Variants in VCP observed in about 807,000 individuals in gnomAD.
VCP encodes valosin containing protein, also known as transitional endoplasmic reticulum ATPase.
A neutral mutation model predicts 85.7 loss-of-function variants in VCP; 6 were observed. That is an observed-to-expected ratio of 0.07 (90% CI 0.04 to 0.14). The LOEUF (loss-of-function observed/expected upper bound fraction) is 0.14. VCP is among the 10% of genes least tolerant of loss of function. VCP has a pLI of 1.00. For synonymous variants in VCP, 384 were observed against 367.1 expected, an observed-to-expected ratio of 1.05 and a Z score of -0.53; for missense variants, 353 against 1,043.4, an observed-to-expected ratio of 0.34 and a Z score of 9.12.
chr9:35,061,324 G>A lies in VCP; in HGVS notation c.1195-145C>T, dbSNP rs113543353. The stretch of plus-strand genomic sequence containing the variant: ...ATACTATCAATACCTTTATGGGCTG[G>A]GTTTTAAGTACTTAATTCTGGACTT... On this transcript the variant is annotated intron_variant, in intron 10 of 16. Coordinates refer to ENST00000358901, the MANE Select transcript of VCP (RefSeq NM_007126.5). The A allele has an allele frequency of 4.2e-6, 5 of 1,190,430 alleles. No homozygotes were observed. The African/African-American group carries it at 7.6e-5, about 18-fold the overall frequency. The allele number at this position is 1,190,430 out of a possible 1,614,324, so 73.7% of individuals were successfully genotyped here. A position where few individuals can be genotyped will look rare whatever the true frequency, so the allele number is the denominator to read the frequency against.
At chr9:35,062,561 T>G (rs963375418) in intron 7 of VCP, among the ~76,000 whole-genome samples, 1 of 152,142 alleles carries the variant, frequency 6.6e-6, no homozygotes, top group African/African-American at 2.4e-5. Context: ...TATACTCTTC[T>G]CACAGTTGAA....
At chr9:35,068,091 G>A in intron 2 of VCP, 28 bp from the exon 3 acceptor site, 1 of 1,614,128 alleles carries the variant, frequency 6.2e-7, no homozygotes, top group East Asian at 2.2e-5. Context: ...AGGCCTTTGG[G>A]TCATTGGGCT....
At position 35,065,240 on chromosome 9, in the gene VCP, A is replaced by C; in HGVS notation, c.576+11T>G. 1 of 1,614,170 alleles carries C rather than the reference A, an allele frequency of 6.2e-7. No homozygotes were observed. The highest frequency in any genetic ancestry group is 1.1e-5 in the South Asian group (1 of 91,092). On this transcript the variant is annotated intron_variant, in intron 5 of 16. Transcript: ENST00000358901. The stretch of plus-strand genomic sequence containing the variant: ...ATAAAATCGGATACTGGAATCAGGG[A>C]GAAAACTCACCTCTCGTTTGATAGG...
Position 35,059,380 on chromosome 9 carries a change from T to G in VCP, c.2004+113A>C. ...TCTTGATATCCTCAAAAATTCTACC[T>G]TCCCTTTAGACCAACCCTAACCCCA... is the stretch of plus-strand genomic sequence containing the variant. On this transcript the variant is annotated intron_variant, in intron 14 of 16. Coordinates refer to ENST00000358901, the MANE Select transcript of VCP (RefSeq NM_007126.5). This position sits in a 1 kb window ranked among gnomAD's most constrained non-coding sequence, Gnocchi z 4.9. 1.3e-6 allele frequency: 2 copies of G among 1,534,206 alleles called. No homozygotes were observed. Among genetic ancestry groups the G allele is most frequent in the Non-Finnish European group, 1.8e-6 (2 of 1,130,210 alleles).
At chr9:35,068,416 T>TCTCTAAAA in intron 1 of VCP, 54 bp from the exon 2 acceptor site, 1 of 1,424,264 alleles carries the variant, frequency 7.0e-7, no homozygotes, top group South Asian at 1.1e-5. Context: ...GCCTCGCCAG[T>TCTCTAAAA]CTCTAAAACT....
rs761895823 is a variant in VCP at position 35,061,609 on chromosome 9, T to C, written c.1162A>G (p.Met388Val). ...LEILQIHTKN[M>V]KLADDVDLEQ... Reference sequence around the variant, plus strand: ...AGGTCCACATCATCTGCCAGCTTCATGTTCTTGGTATGGATCTGAAGAATC... The same window carrying C: ...AGGTCCACATCATCTGCCAGCTTCACGTTCTTGGTATGGATCTGAAGAATC... Residue 388 changes from methionine to valine, a missense_variant, in exon 10 of 17, where the codon ATG becomes GTG. By Grantham distance (21) the Met-to-Val change is conservative (BLOSUM62 1). This residue lies in a region of VCP where 30 missense variants were observed against 39.0 expected (regional missense o/e 0.77). Transcript: ENST00000358901. 6 of 1,614,096 alleles carry C rather than the reference T, an allele frequency of 3.7e-6. No individual in the cohort carries two copies. The highest frequency in any genetic ancestry group is 5.1e-6 in the Non-Finnish European group (6 of 1,180,050).
chr9:35,066,389 G>A (rs1828830910), intron 4 of VCP, among the ~76,000 whole-genome samples: 1 of 150,544 alleles, frequency 6.6e-6, no homozygotes, highest in Non-Finnish European at 1.5e-5. Flanking sequence ...AGCCTCCCAG[G>A]TAGCTGGGAT....
intron 12 of VCP, 136 bp downstream of exon 12, chr9:35,060,665 G>A: frequency 2.6e-6 from 4 of 1,545,332 alleles, no homozygotes; most frequent in African/African-American, 1.4e-5. Flanking sequence ...ACTCCTTAGT[G>A]CCTCAAACCT....
chr9:35,072,433 G>A lies in VCP; in HGVS notation c.-80C>T, dbSNP rs1828978528. The stretch of plus-strand genomic sequence containing the variant: ...GCGGTGGCAAGCGACCGACTGGGCC[G>A]GGGCTCGGCTCTTCCAGGCGGTGGG... On this transcript the variant is annotated 5_prime_UTR_variant, in exon 1 of 17. Coordinates refer to ENST00000358901, the MANE Select transcript of VCP (RefSeq NM_007126.5). 1 of 1,407,768 alleles carries A rather than the reference G, an allele frequency of 7.1e-7. No individual in the cohort carries two copies. Among genetic ancestry groups the A allele is most frequent in the Non-Finnish European group, 9.2e-7 (1 of 1,083,404 alleles). 87.2% of individuals were successfully genotyped at this position (1,407,768 alleles called of 1,614,324 possible).
chr9:35,064,421 C>T, intron 5 of VCP, 136 bp from the exon 6 acceptor site: 1 of 1,190,008 alleles, frequency 8.4e-7, no homozygotes, highest in Non-Finnish European at 1.2e-6. Context: ...CATGGTGGCT[C>T]ACATCTGTAA....
chr9:35,066,590 A>G, intron 4 of VCP, 85 bp downstream of exon 4: 2 of 1,518,152 alleles, frequency 1.3e-6, no homozygotes, highest in Non-Finnish European at 1.8e-6. Flanking sequence ...TTTAAAAAAA[A>G]AAAAAGAAAA....
In VCP at chr9:35,059,381, TCCCTTTAGACCAA is replaced by T; in HGVS notation, c.2004+99_2004+111del. On this transcript the variant is annotated intron_variant, in intron 14 of 16. Transcript: ENST00000358901. This position sits in a 1 kb window ranked among gnomAD's most constrained non-coding sequence, Gnocchi z 4.9. ...CTTGATATCCTCAAAAATTCTACCT[TCCCTTTAGACCAA>T]CCCTAACCCCAGTGGAATCTTGTCC... 6.5e-7 allele frequency: 1 copy of T among 1,534,358 alleles called. No homozygotes were observed. The highest frequency in any genetic ancestry group is 8.8e-7 in the Non-Finnish European group (1 of 1,130,276).
At chr9:35,069,444 CT>C (rs35498216) in intron 1 of VCP, among the ~76,000 whole-genome samples, 14,885 of 95,270 alleles carry the variant, frequency 0.16, 283 homozygotes, top group Non-Finnish European at 0.18. Context: ...CTCCCTCTCC[CT>C]TTTTTTTTTT....
chr9:35,057,599 A>G, intron 15 of VCP, 69 bp from the exon 16 acceptor site: 1 of 1,589,786 alleles, frequency 6.3e-7, no homozygotes, highest in Non-Finnish European at 8.5e-7. Flanking sequence ...CAGGCCTCCC[A>G]TTACTGCAGT....
Position 35,061,196 on chromosome 9 carries a change from A to G in VCP, c.1195-17T>C. On this transcript the variant is annotated splice_polypyrimidine_tract_variant and intron_variant, in intron 10 of 16. Transcript: ENST00000358901. Reference sequence around the variant, plus strand: ...ATTGGCTACCTGCAGAGAAAGATCTACTTACTATGCTGCCTCAAAGACCCA... The same window carrying G: ...ATTGGCTACCTGCAGAGAAAGATCTGCTTACTATGCTGCCTCAAAGACCCA... The G allele has an allele frequency of 6.2e-7, 1 of 1,612,472 alleles. No homozygotes were observed.
At position 35,062,211 on chromosome 9, in the gene VCP, T is replaced by G. The variant is rs1201858404; in HGVS notation, c.945+6A>C. 1 of 1,613,920 alleles carries G rather than the reference T, an allele frequency of 6.2e-7. No homozygotes were observed. Among genetic ancestry groups the G allele is most frequent in the Non-Finnish European group, 8.5e-7 (1 of 1,180,012 alleles). On this transcript the variant is annotated splice_donor_region_variant and intron_variant, in intron 8 of 16. Coordinates refer to ENST00000358901, the MANE Select transcript of VCP (RefSeq NM_007126.5). ...CCCCCCTCTATCCCCTCAGGTAAGC[T>G]CCTACTTTCTCTCTTTTGGGAGCGA...
At position 35,067,947 on chromosome 9, in the gene VCP, A is replaced by G; in HGVS notation, c.246T>C (p.Ile82=). The change falls in exon 3 of 17, where the codon ATT becomes ATC. Residue 82 remains isoleucine (I), a synonymous_variant. Coordinates refer to ENST00000358901, the MANE Select transcript of VCP (RefSeq NM_007126.5). ...TATTCCGAACAACTCTATTCATCCG[A>G]ATCTTCTCATCAGAACAAGTATCAT... The part of the protein sequence containing the change: ...LSDDTCSDEK[I]RMNRVVRNNL... 1 of 1,614,232 alleles carries G rather than the reference A, an allele frequency of 6.2e-7. No homozygotes were observed. The highest frequency in any genetic ancestry group is 1.7e-5 in the Admixed American group (1 of 60,030).
intron 1 of VCP, 84 bp from the exon 2 acceptor site, chr9:35,068,446 G>T: frequency 8.2e-7 from 1 of 1,213,106 alleles, no homozygotes; most frequent in Non-Finnish European, 1.2e-6. Flanking sequence ...GAAAGAAACA[G>T]TGAATAGATG....
chr9:35,066,473 C>G (rs565603593), intron 4 of VCP, among the ~76,000 whole-genome samples: 15 of 151,450 alleles, frequency 9.9e-5, no homozygotes, highest in African/African-American at 3.6e-4. Context: ...GTGATCCACC[C>G]GCCTCAGCCT....
Sources: allele counts gnomAD v4.1 joint callset (sites outside exome capture counted in the v4.1 genomes callset), GRCh38; gene constraint gnomAD v4.1.1; regional missense constraint gnomAD v4.1.1; non-coding constraint Gnocchi (gnomAD v3.1); transcripts MANE v1.5; gene names NCBI Gene and HGNC (gene_info 2026-07-23, HGNC 2026-07-21).